The following TNNI3K variants were observed in gnomAD, a reference collection of about 807,000 sequenced individuals.
The protein encoded by TNNI3K is TNNI3 interacting kinase, also known as serine/threonine-protein kinase TNNI3K.
TNNI3K carries 140 observed loss-of-function variants against 114.5 expected under a neutral mutation model. That is an observed-to-expected ratio of 1.22 (90% CI 1.07 to 1.41). The LOEUF is 1.41. Among genes scored for constraint, TNNI3K ranks in the 40% most tolerant of loss-of-function variants. The pLI is 0.00. For synonymous variants in TNNI3K, 347 were observed against 347.5 expected (o/e 1.00, Z 0.02); for missense variants, 1,125 against 1,007.6 (o/e 1.12, Z -1.58).
intron 17 of TNNI3K, among the ~76,000 whole-genome samples, chr1:74,403,862 A>T (rs537542806): frequency 1.4e-4 from 21 of 152,116 alleles, no homozygotes; most frequent in Non-Finnish European, 2.2e-4. Context: ...ATGAAGAGAG[A>T]GCTGAGTATT....
At chr1:74,465,331 C>T (rs1324771292) in intron 21 of TNNI3K, among the ~76,000 whole-genome samples, 1 of 152,188 alleles carries the variant, frequency 6.6e-6, no homozygotes, top group East Asian at 1.9e-4. Flanking sequence ...CATGAGTTCC[C>T]AGTGGGTGCA....
At chr1:74,305,793 C>T (rs182599961) in intron 5 of TNNI3K, among the ~76,000 whole-genome samples, 81 of 152,202 alleles carry the variant, frequency 5.3e-4, no homozygotes, top group African/African-American at 1.7e-3. Context: ...TATTATAGTT[C>T]AATATTTTGT....
intron 4 of TNNI3K, among the ~76,000 whole-genome samples, chr1:74,251,667 G>C (rs935480495): frequency 1.3e-5 from 2 of 152,074 alleles, no homozygotes; most frequent in Non-Finnish European, 2.9e-5. Context: ...TCAGTTTTGT[G>C]TGTGCACGTG....
At chr1:74,417,114 A>G (rs1209650126) in intron 17 of TNNI3K, among the ~76,000 whole-genome samples, 5 of 152,134 alleles carry the variant, frequency 3.3e-5, no homozygotes, top group Admixed American at 3.3e-4. Flanking sequence ...ATTTCAGAGA[A>G]AAGATGAAAG....
At chr1:74,470,432 C>G (rs1200407893) in intron 21 of TNNI3K, 1 of 400,546 alleles carries the variant, frequency 2.5e-6, no homozygotes, top group African/African-American at 2.1e-5. Flanking sequence ...CTGGGCAATG[C>G]ATTTGTGCTG....
rs113855412 is a variant in TNNI3K at position 74,471,783 on chromosome 1, A to C, written c.2121+8233A>C. On this transcript the variant is annotated intron_variant, in intron 21 of 24. Transcript: ENST00000326637. Reference sequence around the variant, plus strand: ...AATCTATGTTGTCCTCACTCATAAGAAATTTTTCTATTGCACTGTTAATTT... The same window carrying C: ...AATCTATGTTGTCCTCACTCATAAGCAATTTTTCTATTGCACTGTTAATTT... 473 of 420,530 alleles carry C rather than the reference A, an allele frequency of 1.1e-3. 2 individuals carry two copies. Among genetic ancestry groups the C allele is most frequent in the African/African-American group, 9.0e-3 (440 of 49,088 alleles). The allele number at this position is 420,530 out of a possible 1,614,324, so 26.0% of individuals were successfully genotyped here.
At chr1:74,470,831 G>A (rs1667890781) in intron 21 of TNNI3K, 2 of 400,670 alleles carry the variant, frequency 5.0e-6, no homozygotes, top group Non-Finnish European at 8.8e-6. Context: ...GCATCTAAAA[G>A]TTGTGTTTGA....
intron 17 of TNNI3K, among the ~76,000 whole-genome samples, chr1:74,394,944 T>C (rs1570567702): frequency 6.6e-6 from 1 of 151,102 alleles, no homozygotes; most frequent in Non-Finnish European, 1.5e-5. Context: ...CTCGGGAGGC[T>C]GAGGCAGGAG....
chr1:74,420,403 T>G (rs1665338393), intron 17 of TNNI3K, among the ~76,000 whole-genome samples: 1 of 152,120 alleles, frequency 6.6e-6, no homozygotes, highest in Non-Finnish European at 1.5e-5. Context: ...TGGGATTTGC[T>G]CCCATGCAGT....
intron 17 of TNNI3K, among the ~76,000 whole-genome samples, chr1:74,401,072 A>G (rs1664334681): frequency 6.6e-6 from 1 of 152,214 alleles, no homozygotes; most frequent in Non-Finnish European, 1.5e-5. Context: ...CAATGAGCCT[A>G]ATACTAAAGG....
At chr1:74,488,928 A>C (rs563846408) in intron 21 of TNNI3K, among the ~76,000 whole-genome samples, 2 of 152,308 alleles carry the variant, frequency 1.3e-5, no homozygotes, top group Admixed American at 1.3e-4. Context: ...ATGCAAAGCT[A>C]ATTAAAGCTT....
At chr1:74,439,414 A>G in intron 19 of TNNI3K, 76 bp from the exon 20 acceptor site, 1 of 1,554,642 alleles carries the variant, frequency 6.4e-7, no homozygotes, top group Non-Finnish European at 8.7e-7. Flanking sequence ...GTAAATTCTC[A>G]CTAAGAAGAA....
In TNNI3K at chr1:74,470,900, T is replaced by C. The variant is rs74512617; in HGVS notation, c.2121+7350T>C. On this transcript the variant is annotated intron_variant, in intron 21 of 24. Transcript: ENST00000326637. ...CTGGTCTTTGATACATTCTGTCCCA[T>C]GTGCTCAGTGGACTCCGTTGTCCCT... 528 of 400,750 alleles carry C rather than the reference T, an allele frequency of 1.3e-3. 4 individuals are homozygous for C. The highest frequency in any genetic ancestry group is 9.8e-3 in the African/African-American group (480 of 48,826). The allele number at this position is 400,750 out of a possible 1,614,324, so 24.8% of individuals were successfully genotyped here.
chr1:74,343,008 A>C, intron 8 of TNNI3K, 22 bp downstream of exon 8: 1 of 1,613,738 alleles, frequency 6.2e-7, no homozygotes. Flanking sequence ...GTAGCATTCC[A>C]TAGGTTCTCC....
intron 21 of TNNI3K, chr1:74,480,437 A>T (rs967270227): frequency 1.4e-5 from 10 of 717,446 alleles, no homozygotes; most frequent in South Asian, 8.9e-5. Context: ...GCTCAGAAGG[A>T]TTAACTGCTT....
intron 21 of TNNI3K, chr1:74,475,323 A>C (rs1668141619): frequency 1.4e-6 from 1 of 698,876 alleles, no homozygotes; most frequent in Non-Finnish European, 2.6e-6. Flanking sequence ...GGTGTTGCAG[A>C]GTTTGAGGCT....
chr1:74,399,738 T>C (rs543827410), intron 17 of TNNI3K, among the ~76,000 whole-genome samples: 19 of 152,272 alleles, frequency 1.2e-4, no homozygotes, highest in South Asian at 4.1e-4. Flanking sequence ...GGCTCTGTTA[T>C]TGGGGGTGGA....
intron 21 of TNNI3K, among the ~76,000 whole-genome samples, chr1:74,479,456 A>T (rs941558921): frequency 6.6e-6 from 1 of 152,228 alleles, no homozygotes; most frequent in African/African-American, 2.4e-5. Context: ...AGTTGGACAA[A>T]CAGAAATCTT....
At chr1:74,284,605 A>T (rs2100264440) in intron 5 of TNNI3K, among the ~76,000 whole-genome samples, 1 of 152,332 alleles carries the variant, frequency 6.6e-6, no homozygotes, top group Non-Finnish European at 1.5e-5. Flanking sequence ...AACCTTCTAA[A>T]GTCACTCTGA....
Sources: gnomAD v4.1 joint callset for allele counts (sites outside exome capture counted in the v4.1 genomes callset) on GRCh38, gnomAD v4.1.1 for gene constraint, MANE v1.5 for transcripts, NCBI Gene and HGNC (gene_info 2026-07-23, HGNC 2026-07-21) for gene names.